The following CDH18 variants were observed in gnomAD, a reference collection of about 807,000 sequenced individuals.
The protein encoded by CDH18 is cadherin-18.
Under a neutral mutation model 67.9 loss-of-function variants are expected in CDH18, and 31 were observed. The ratio of observed to expected loss-of-function variants is 0.46; its 90% CI spans 0.34 to 0.62. The LOEUF is 0.62. Among genes scored for constraint, CDH18 ranks in the 20% least tolerant of loss-of-function variants. The pLI, the probability that CDH18 is intolerant of heterozygous loss-of-function variation, is 0.01. For synonymous variants in CDH18, 362 were observed against 347.2 expected, an observed-to-expected ratio of 1.04 and a Z score of -0.48; for missense variants, 890 against 975.5, an observed-to-expected ratio of 0.91 and a Z score of 1.17.
chr5:20,560,462 C>T (rs1004524366), intron 1 of CDH18, among the ~76,000 whole-genome samples: 1 of 134,978 alleles, frequency 7.4e-6, no homozygotes, highest in Non-Finnish European at 1.6e-5. Flanking sequence ...TGGCCCCCAA[C>T]ACTCATACAC....
intron 1 of CDH18, among the ~76,000 whole-genome samples, chr5:20,488,673 TTATATA>T (rs34690857): frequency 0.068 from 8,610 of 126,930 alleles, 331 homozygotes; most frequent in African/African-American, 0.099. Context: ...GGGTAGTGTT[TTATATA>T]TATATATATA....
intron 2 of CDH18, among the ~76,000 whole-genome samples, chr5:20,030,085 C>A (rs1236693194): frequency 1.3e-5 from 2 of 152,176 alleles, no homozygotes; most frequent in Non-Finnish European, 2.9e-5. Context: ...AAAGGCTTGT[C>A]ATTAAAGAAC....
chr5:20,439,033 T>C (rs973031664), intron 1 of CDH18, among the ~76,000 whole-genome samples: 1 of 151,556 alleles, frequency 6.6e-6, no homozygotes, highest in African/African-American at 2.4e-5. Context: ...AACCCTTGAT[T>C]GCGTCATTTT....
At chr5:20,215,250 C>T (rs78462018) in intron 2 of CDH18, among the ~76,000 whole-genome samples, 3,586 of 151,684 alleles carry the variant, frequency 0.024, 145 homozygotes, top group African/African-American at 0.081. Context: ...GAGCAATACT[C>T]GAACAATTTG....
At chr5:20,071,582 T>C (rs1580173356) in intron 2 of CDH18, among the ~76,000 whole-genome samples, 2 of 152,096 alleles carry the variant, frequency 1.3e-5, no homozygotes, top group East Asian at 3.8e-4. Context: ...ATTACAAATG[T>C]ATGAATTATG....
chr5:20,305,589 CG>C (rs1336922512), intron 1 of CDH18: 21 of 524,428 alleles, frequency 4.0e-5, no homozygotes, highest in Non-Finnish European at 7.2e-5. Flanking sequence ...TCCTGCGCTG[CG>C]GGCCTCAGAG....
At chr5:20,543,726 ACT>A (rs1157739096) in intron 1 of CDH18, among the ~76,000 whole-genome samples, 1 of 152,076 alleles carries the variant, frequency 6.6e-6, no homozygotes, top group African/African-American at 2.4e-5. Context: ...CACAAACTTT[ACT>A]CTCTGATTAC....
intron 5 of CDH18, among the ~76,000 whole-genome samples, chr5:19,621,575 G>C (rs930475998): frequency 6.6e-6 from 1 of 152,078 alleles, no homozygotes; most frequent in African/African-American, 2.4e-5. Flanking sequence ...GCCAGTAACA[G>C]AACAAATACT....
intron 1 of CDH18, among the ~76,000 whole-genome samples, chr5:20,538,900 T>TTTTTTG (rs1756881151): frequency 7.8e-6 from 1 of 128,978 alleles, no homozygotes. Flanking sequence ...AGCCAACTGT[T>TTTTTTG]TTTTTTTTGT....
chr5:19,567,189 GATA>G (rs1740559662), intron 8 of CDH18, among the ~76,000 whole-genome samples: 1 of 152,098 alleles, frequency 6.6e-6, no homozygotes, highest in African/African-American at 2.4e-5. Context: ...GACTACACTA[GATA>G]ATAATTTATT....
chr5:20,278,823 T>C (rs1327540758), intron 1 of CDH18, among the ~76,000 whole-genome samples: 4 of 152,106 alleles, frequency 2.6e-5, no homozygotes, highest in Non-Finnish European at 4.4e-5. Flanking sequence ...TATTTTAAAA[T>C]AGTGGGTTAT....
chr5:20,175,816 C>T lies in CDH18; in HGVS notation c.-518+79628G>A, dbSNP rs958522018. On this transcript the variant is annotated intron_variant, in intron 2 of 14. Transcript: ENST00000507958. ...CTGGCAGCTGATTAGATGGTGCCCACCCAGAATAAGGGTGGGTCTGCCTTT... is the reference window on the plus strand; with the variant it reads ...CTGGCAGCTGATTAGATGGTGCCCATCCAGAATAAGGGTGGGTCTGCCTTT... Among the ~76,000 whole-genome samples the T allele has an allele frequency of 5.3e-5, 8 of 152,156 alleles. No homozygotes were observed. In the East Asian group the frequency reaches 1.4e-3, roughly 26 times the overall value.
intron 1 of CDH18, among the ~76,000 whole-genome samples, chr5:20,566,508 C>G (rs2471121): frequency 6.9e-6 from 1 of 145,500 alleles, no homozygotes; most frequent in African/African-American, 2.6e-5. Context: ...TACAGGTTCG[C>G]GCCACCATGC....
intron 2 of CDH18, among the ~76,000 whole-genome samples, chr5:19,955,824 G>C (rs965335519): frequency 6.6e-6 from 1 of 152,014 alleles, no homozygotes; most frequent in African/African-American, 2.4e-5. Context: ...AAACAGATTT[G>C]TGGATCCCAT....
intron 1 of CDH18, among the ~76,000 whole-genome samples, chr5:20,534,952 T>C (rs371404185): frequency 6.6e-6 from 1 of 152,052 alleles, no homozygotes; most frequent in South Asian, 2.1e-4. Context: ...ATATTTTTTG[T>C]TCTTAAGGCT....
At chr5:19,762,366 A>G (rs1053940803) in intron 3 of CDH18, among the ~76,000 whole-genome samples, 2 of 152,190 alleles carry the variant, frequency 1.3e-5, no homozygotes, top group African/African-American at 4.8e-5. Context: ...TAATATCCAT[A>G]ATCTACAAAA....
intron 1 of CDH18, among the ~76,000 whole-genome samples, chr5:20,550,810 G>A (rs1757592690): frequency 6.6e-6 from 1 of 152,174 alleles, no homozygotes; most frequent in South Asian, 2.1e-4. Context: ...TCGTGGTTCT[G>A]AAGGACATAC....
At chr5:19,682,126 G>GA (rs1218714287) in intron 5 of CDH18, among the ~76,000 whole-genome samples, 1 of 151,936 alleles carries the variant, frequency 6.6e-6, no homozygotes, top group Non-Finnish European at 1.5e-5. Flanking sequence ...TTTATACTTT[G>GA]ATTCCTGAAG....
chr5:20,278,991 AAAG>A (rs776577157), intron 1 of CDH18, among the ~76,000 whole-genome samples: 10 of 152,126 alleles, frequency 6.6e-5, no homozygotes, highest in Non-Finnish European at 1.0e-4. Flanking sequence ...AGGAGGAAAA[AAAG>A]AAGACCACAA....
Sources: gnomAD v4.1 joint callset for allele counts (sites outside exome capture counted in the v4.1 genomes callset) on GRCh38, gnomAD v4.1.1 for gene constraint, MANE v1.5 for transcripts, NCBI Gene and HGNC (gene_info 2026-07-23, HGNC 2026-07-21) for gene names.